EYS: variants seen among roughly 807,000 people sequenced by gnomAD.
The protein encoded by EYS is protein eyes shut homolog.
Under a neutral mutation model 282.1 loss-of-function variants are expected in EYS, and 250 were observed. The ratio of observed to expected loss-of-function variants is 0.89; its 90% CI spans 0.80 to 0.98. The LOEUF is 0.98. EYS is among the 50% of genes least tolerant of loss of function. EYS has a pLI of 0.00. For synonymous variants in EYS, 1,355 were observed against 1,282.9 expected (o/e 1.06, Z -1.20); for missense variants, 4,016 against 3,709.0 (o/e 1.08, Z -2.15).
intron 15 of EYS, among the ~76,000 whole-genome samples, chr6:64,927,463 A>ATCAATT (rs1474071979): frequency 6.6e-6 from 1 of 152,188 alleles, no homozygotes. Flanking sequence ...AATTCTATAG[A>ATCAATT]CTGAAACAAT....
intron 31 of EYS, among the ~76,000 whole-genome samples, chr6:64,172,283 GTATACATAAT>G (rs1764501110): frequency 6.6e-6 from 1 of 151,634 alleles, no homozygotes; most frequent in Non-Finnish European, 1.5e-5. Context: ...GCAAAATACA[GTATACATAAT>G]TATACTCAGA....
At chr6:65,385,774 A>G (rs1397068972) in intron 7 of EYS, among the ~76,000 whole-genome samples, 1 of 151,924 alleles carries the variant, frequency 6.6e-6, no homozygotes, top group East Asian at 1.9e-4. Context: ...CTACTACTCC[A>G]CAGATAGTAA....
intron 4 of EYS, chr6:65,491,367 G>T: frequency 3.3e-6 from 1 of 306,000 alleles, no homozygotes; most frequent in Admixed American, 4.1e-5. Flanking sequence ...CTTAGTAGAG[G>T]AATGTGCCTT....
At chr6:63,768,200 T>C (rs897981847) in intron 40 of EYS, among the ~76,000 whole-genome samples, 1 of 151,748 alleles carries the variant, frequency 6.6e-6, no homozygotes, top group African/African-American at 2.4e-5. Context: ...AGAAGCAATT[T>C]CCATAAAAAC....
At chr6:64,282,388 G>C (rs1474916470) in intron 30 of EYS, among the ~76,000 whole-genome samples, 1 of 152,100 alleles carries the variant, frequency 6.6e-6, no homozygotes, top group Non-Finnish European at 1.5e-5. Flanking sequence ...AACACTTGAA[G>C]GAAAGTGAAA....
rs115132146 is a variant in EYS, at chr6:65,369,566, T to A, written c.1299+14820A>T. On this transcript the variant is annotated intron_variant, in intron 8 of 42. Coordinates refer to ENST00000503581, the MANE Select transcript of EYS (RefSeq NM_001142800.2). ...CTGGGGTTCTCTAACTTTCATAAAG[T>A]TGTATGCATTTGATCTTTCCTTTTT... 3.0e-3 allele frequency among the ~76,000 whole-genome samples: 453 copies of A among 151,300 alleles called. 3 individuals carry two copies. Among genetic ancestry groups the A allele is most frequent in the African/African-American group, 0.01 (435 of 41,434 alleles).
intron 12 of EYS, among the ~76,000 whole-genome samples, chr6:65,110,599 G>C (rs927985210): frequency 2.6e-5 from 4 of 151,808 alleles, no homozygotes; most frequent in African/African-American, 9.7e-5. Flanking sequence ...ATTTTTCCAC[G>C]TATCATCCCT....
At chr6:64,437,992 A>G (rs1293666174) in intron 27 of EYS, among the ~76,000 whole-genome samples, 2 of 151,734 alleles carry the variant, frequency 1.3e-5, no homozygotes, top group East Asian at 3.9e-4. Flanking sequence ...ATATAAGTTA[A>G]TTACCTTATT....
At chr6:64,094,043 A>G (rs1772482016) in intron 31 of EYS, among the ~76,000 whole-genome samples, 1 of 152,096 alleles carries the variant, frequency 6.6e-6, no homozygotes. Context: ...TTCTGTTTAT[A>G]TGCTGGATTA....
intron 12 of EYS, among the ~76,000 whole-genome samples, chr6:65,117,942 A>G (rs1775426128): frequency 6.6e-6 from 1 of 152,166 alleles, no homozygotes; most frequent in Non-Finnish European, 1.5e-5. Context: ...GAAGGAGGCA[A>G]AACAATGACA....
chr6:65,143,464 A>C (rs1764400533), intron 12 of EYS, among the ~76,000 whole-genome samples: 1 of 152,032 alleles, frequency 6.6e-6, no homozygotes, highest in Non-Finnish European at 1.5e-5. Flanking sequence ...AATAATATTC[A>C]AGTTGAAAAA....
At chr6:65,207,743 C>A (rs1236846200) in intron 12 of EYS, among the ~76,000 whole-genome samples, 1 of 151,730 alleles carries the variant, frequency 6.6e-6, no homozygotes, top group East Asian at 1.9e-4. Context: ...GCAAACTGAT[C>A]TTTGACAAAG....
intron 30 of EYS, among the ~76,000 whole-genome samples, chr6:64,255,481 G>T (rs1327071287): frequency 2.0e-5 from 3 of 151,912 alleles, no homozygotes; most frequent in Non-Finnish European, 2.9e-5. Flanking sequence ...ACAATATTTA[G>T]TATTGTAAAA....
At position 64,362,277 on chromosome 6, in the gene EYS, AAC is replaced by A. The variant is rs528481668; in HGVS notation, c.6078+26411_6078+26412del. Among the ~76,000 whole-genome samples, 405 of 151,970 alleles carry A rather than the reference AAC, an allele frequency of 2.7e-3. 1 individual carries two copies. Among genetic ancestry groups the A allele is most frequent in the African/African-American group, 9.2e-3 (383 of 41,538 alleles). On this transcript the variant is annotated intron_variant, in intron 29 of 42. Transcript: ENST00000503581. ...GAAAATAACTAAACGTAAGTATAGG[AAC>A]ACATTTCTAGATCATATACTCTAAT...
At chr6:64,703,382 GAC>G (rs1165808043) in intron 22 of EYS, among the ~76,000 whole-genome samples, 2,927 of 36,022 alleles carry the variant, frequency 0.081, 309 homozygotes, top group African/African-American at 0.2. Flanking sequence ...CACACACACA[GAC>G]ACACACACAC....
chr6:64,779,132 C>T (rs1773779362), intron 22 of EYS, among the ~76,000 whole-genome samples: 1 of 152,116 alleles, frequency 6.6e-6, no homozygotes, highest in Admixed American at 6.6e-5. Flanking sequence ...CCAGCAATTA[C>T]ACTCTTTGGA....
At chr6:64,768,542 G>GTCACCCTAT (rs1299921678) in intron 22 of EYS, among the ~76,000 whole-genome samples, 2 of 152,110 alleles carry the variant, frequency 1.3e-5, no homozygotes, top group Non-Finnish European at 2.9e-5. Flanking sequence ...TTATATAGGG[G>GTCACCCTAT]TCACCCTATG....
At chr6:65,448,688 A>G (rs10944802) in intron 5 of EYS, among the ~76,000 whole-genome samples, 28,176 of 151,986 alleles carry the variant, frequency 0.19, 3,265 homozygotes, top group Middle Eastern at 0.3. Flanking sequence ...TCTTACAAAC[A>G]TATTTTTGAA....
chr6:64,927,033 A>G (rs1583300813), intron 15 of EYS, among the ~76,000 whole-genome samples: 1 of 152,348 alleles, frequency 6.6e-6, no homozygotes, highest in East Asian at 1.9e-4. Flanking sequence ...ATTGGGAAAC[A>G]TGATGGACCA....
Sources: allele counts gnomAD v4.1 joint callset (sites outside exome capture counted in the v4.1 genomes callset), GRCh38; gene constraint gnomAD v4.1.1; transcripts MANE v1.5; gene names NCBI Gene and HGNC (gene_info 2026-07-23, HGNC 2026-07-21).